The following FAM169A variants were observed in gnomAD, a reference collection of about 807,000 sequenced individuals.
FAM169A encodes the protein family with sequence similarity 169 member A, also known as soluble lamin-associated protein of 75 kDa.
Under a neutral mutation model 75.7 loss-of-function variants are expected in FAM169A, and 24 were observed. That is an observed-to-expected ratio of 0.32 (90% CI 0.23 to 0.45). The LOEUF is 0.45. Among genes scored for constraint, FAM169A ranks in the 20% least tolerant of loss-of-function variants. The pLI is 1.00. For missense variants in FAM169A, 673 were observed against 784.0 expected (o/e 0.86, Z 1.69); for synonymous variants, 271 against 271.0 (o/e 1.00, Z 0.00).
rs1746256539 is a variant in FAM169A, at chr5:74,796,059, G to C, written c.1231C>G (p.Pro411Ala). The C allele has an allele frequency of 1.2e-6, 2 of 1,613,754 alleles. No homozygotes were observed. Among genetic ancestry groups the C allele is most frequent in the African/African-American group, 1.3e-5 (1 of 74,908 alleles). ...RDARPALETQ[P>A]QQEKQDGEKE... ...TCACCATCTTGCTTCTCTTGCTGTG[G>C]CTGGGTTTCCAGTGCTGGCCGTGCA... Residue 411 changes from proline (P) to alanine (A), a missense_variant, in exon 11 of 13, where the codon CCA becomes GCA. Around this residue, in one of 3 missense-constraint regions of FAM169A, gnomAD observed 510 missense variants for 550.9 expected, o/e 0.93. Coordinates refer to ENST00000687041, the MANE Select transcript of FAM169A (RefSeq NM_001376049.1).
At chr5:74,827,424 A>C (rs1748091978) in intron 5 of FAM169A, among the ~76,000 whole-genome samples, 1 of 152,060 alleles carries the variant, frequency 6.6e-6, no homozygotes, top group Non-Finnish European at 1.5e-5. Flanking sequence ...TAATATTTTT[A>C]TGCATGGAAG....
At chr5:74,838,646 A>C (rs1748694701) in intron 4 of FAM169A, among the ~76,000 whole-genome samples, 1 of 152,222 alleles carries the variant, frequency 6.6e-6, no homozygotes, top group South Asian at 2.1e-4. Flanking sequence ...TAGAGACAGA[A>C]GCTAAACAAT....
chr5:74,866,460 G>A, upstream of FAM169A: 1 of 857,170 alleles, frequency 1.2e-6, no homozygotes, highest in Non-Finnish European at 1.4e-6. Flanking sequence ...GCCCGCCAGC[G>A]CGGAGCGGCC....
rs2112772103 is a variant in FAM169A at position 74,866,259 on chromosome 5, G to A, written c.-98C>T. 1 of 983,600 alleles carries A rather than the reference G, an allele frequency of 1.0e-6. No individual in the cohort carries two copies. Among genetic ancestry groups the A allele is most frequent in the Non-Finnish European group, 1.2e-6 (1 of 829,130 alleles). The allele number at this position is 983,600 out of a possible 1,614,324, so 60.9% of individuals were successfully genotyped here. A position where few individuals can be genotyped will look rare whatever the true frequency, so the allele number is the denominator to read the frequency against. On this transcript the variant is annotated 5_prime_UTR_variant, in exon 1 of 13. Coordinates refer to ENST00000687041, the MANE Select transcript of FAM169A (RefSeq NM_001376049.1). ...CGGCGGCTGCTCGCTGGCGACCTCC[G>A]GCCGGTCCCAGGCCGCACAGCTCGC...
In FAM169A at chr5:74,827,374, T is replaced by C. The variant is rs183140976; in HGVS notation, c.490+7052A>G. Among the ~76,000 whole-genome samples the C allele has an allele frequency of 9.9e-4, 150 of 152,272 alleles. 1 individual carries two copies. The highest frequency in any genetic ancestry group is 3.4e-3 in the Middle Eastern group (1 of 294). On this transcript the variant is annotated intron_variant, in intron 5 of 12. Coordinates refer to ENST00000687041, the MANE Select transcript of FAM169A (RefSeq NM_001376049.1). Reference sequence around the variant, plus strand: ...CTGCTCCTTCTTCTCCTTGCACTAATATTTCTATGATATTTATTCCACAGA... The same window carrying C: ...CTGCTCCTTCTTCTCCTTGCACTAACATTTCTATGATATTTATTCCACAGA...
rs777230107 is a variant in FAM169A at position 74,813,841 on chromosome 5, T to G, written c.669A>C (p.Thr223=). Residue 223 remains threonine, a splice_region_variant and synonymous_variant, in exon 6 of 13, where the codon ACA becomes ACC. Transcript: ENST00000687041. The stretch of plus-strand genomic sequence containing the variant: ...TATTTTTTAACTTAGTCCATTTACC[T>G]GTATACATGAGAGAAGACAGTGGAT... ...LRYPLSSLMY[T]ACKQYFEKYP... 6.5e-7 allele frequency: 1 copy of G among 1,548,270 alleles called. No homozygotes were observed. The highest frequency in any genetic ancestry group is 1.3e-5 in the South Asian group (1 of 79,010).
At chr5:74,808,266 C>CA (rs1476399707) in intron 6 of FAM169A, among the ~76,000 whole-genome samples, 1 of 152,060 alleles carries the variant, frequency 6.6e-6, no homozygotes, top group Admixed American at 6.5e-5. Flanking sequence ...ACTGTATATT[C>CA]AAACAAAAGA....
chr5:74,790,436 C>T (rs970726501), intron 11 of FAM169A, among the ~76,000 whole-genome samples: 8 of 152,100 alleles, frequency 5.3e-5, no homozygotes, highest in African/African-American at 1.7e-4. Context: ...GTTTGGATGA[C>T]GGTCAGGGAC....
At chr5:74,842,590 G>A (rs565222658) in intron 1 of FAM169A, among the ~76,000 whole-genome samples, 1 of 144,350 alleles carries the variant, frequency 6.9e-6, no homozygotes, top group Non-Finnish European at 1.5e-5. Flanking sequence ...TAAGTGCATT[G>A]GTGCAATCAT....
intron 5 of FAM169A, among the ~76,000 whole-genome samples, chr5:74,825,883 T>C (rs1242848706): frequency 6.6e-6 from 1 of 152,130 alleles, no homozygotes; most frequent in African/African-American, 2.4e-5. Flanking sequence ...TTGGTATGAG[T>C]GTATCTTAAT....
chr5:74,806,366 G>GTCAGA (rs1488360672), intron 6 of FAM169A, among the ~76,000 whole-genome samples: 1 of 152,108 alleles, frequency 6.6e-6, no homozygotes, highest in Non-Finnish European at 1.5e-5. Context: ...AAGCAATAAA[G>GTCAGA]TCAGATCCTG....
chr5:74,843,424 C>T (rs1459602814), intron 1 of FAM169A, among the ~76,000 whole-genome samples: 2 of 152,054 alleles, frequency 1.3e-5, no homozygotes, highest in Non-Finnish European at 2.9e-5. Flanking sequence ...TGCACCCTGT[C>T]GGAGATTAAA....
At chr5:74,863,606 TGACTG>T in intron 1 of FAM169A, among the ~76,000 whole-genome samples, 1 of 152,368 alleles carries the variant, frequency 6.6e-6, no homozygotes, top group South Asian at 2.1e-4. Context: ...TTTAGGCAGA[TGACTG>T]AACATAGTAT....
chr5:74,798,696 T>C (rs907262796), intron 10 of FAM169A, among the ~76,000 whole-genome samples: 1 of 152,162 alleles, frequency 6.6e-6, no homozygotes, highest in Non-Finnish European at 1.5e-5. Context: ...CTTATTTTAT[T>C]ATAAAAGTTA....
At chr5:74,782,658 T>C (rs1243591657) in intron 12 of FAM169A, among the ~76,000 whole-genome samples, 2 of 152,236 alleles carry the variant, frequency 1.3e-5, no homozygotes, top group Non-Finnish European at 2.9e-5. Flanking sequence ...TGGTAAATAA[T>C]GCTTTATCCA....
At chr5:74,794,401 AAAAG>A (rs1412661153) in intron 11 of FAM169A, among the ~76,000 whole-genome samples, 1 of 149,272 alleles carries the variant, frequency 6.7e-6, no homozygotes, top group Non-Finnish European at 1.5e-5. Context: ...CTCAAAAAAA[AAAAG>A]AAATATTACG....
At chr5:74,810,751 C>CAAA (rs750402413) in intron 6 of FAM169A, among the ~76,000 whole-genome samples, 4 of 52,552 alleles carry the variant, frequency 7.6e-5, no homozygotes, top group East Asian at 6.2e-4. Context: ...GACTCCGTCT[C>CAAA]AAAAAAAAAA....
At chr5:74,838,372 T>A (rs1748680667) in intron 4 of FAM169A, among the ~76,000 whole-genome samples, 1 of 152,140 alleles carries the variant, frequency 6.6e-6, no homozygotes, top group South Asian at 2.1e-4. Context: ...ATATGTTACA[T>A]CTTGGTTTCT....
At chr5:74,824,677 GCT>G (rs60648939) in intron 5 of FAM169A, among the ~76,000 whole-genome samples, 4,604 of 148,592 alleles carry the variant, frequency 0.031, 250 homozygotes, top group African/African-American at 0.11. Flanking sequence ...AAAAAAAGCA[GCT>G]CTGTGACCAC....
Sources: gnomAD v4.1 joint callset for allele counts (sites outside exome capture counted in the v4.1 genomes callset) on GRCh38, gnomAD v4.1.1 for gene constraint, gnomAD v4.1.1 regional missense constraint, MANE v1.5 for transcripts, NCBI Gene and HGNC (gene_info 2026-07-23, HGNC 2026-07-21) for gene names.